The following ARSB variants were observed in gnomAD, a reference collection of about 807,000 sequenced individuals.
The protein encoded by ARSB is arylsulfatase B.
ARSB carries 41 observed loss-of-function variants against 50.9 expected under a neutral mutation model. That is an observed-to-expected ratio of 0.81 (90% CI 0.63 to 1.04). The LOEUF is 1.04. ARSB is among the 50% of genes least tolerant of loss of function. The probability of loss-of-function intolerance (pLI) is 0.00; values close to 1 mark genes in which losing one functional copy is unlikely to be tolerated. For missense variants in ARSB, 672 were observed against 693.3 expected (o/e 0.97, Z 0.35); for synonymous variants, 269 against 284.8 (o/e 0.94, Z 0.56).
rs1465461042 is a variant in ARSB at position 78,780,417 on chromosome 5, C to G, written c.1582G>C (p.Val528Leu). 6.2e-7 allele frequency: 1 copy of G among 1,614,122 alleles called. No homozygotes were observed. Among genetic ancestry groups the G allele is most frequent in the Admixed American group, 1.7e-5 (1 of 60,024 alleles). ...AAATCCTACATCCAAGGGCCCCACACCCCAGTGGCCTTGGGATCACAGCGG... is the reference window on the plus strand; with the variant it reads ...AAATCCTACATCCAAGGGCCCCACAGCCCAGTGGCCTTGGGATCACAGCGG... ...DPRCDPKATGVWGPWM is the reference protein window; with the variant it reads ...DPRCDPKATGLWGPWM The change falls in exon 8 of 8, where the codon GTG (valine) becomes CTG (leucine). Residue 528 changes from valine to leucine, a missense_variant. Transcript: ENST00000264914.
At chr5:78,852,400 C>T (rs1335292964) in intron 5 of ARSB, among the ~76,000 whole-genome samples, 3 of 152,192 alleles carry the variant, frequency 2.0e-5, no homozygotes, top group Admixed American at 6.5e-5. Context: ...TCTCCTCTGG[C>T]TTGTAGAGTT....
intron 6 of ARSB, among the ~76,000 whole-genome samples, chr5:78,795,671 G>A (rs941711678): frequency 1.3e-5 from 2 of 152,100 alleles, no homozygotes; most frequent in African/African-American, 4.8e-5. Flanking sequence ...AGGAGTGTTG[G>A]GAAAAATATG....
chr5:78,828,358 T>C (rs527844875), intron 6 of ARSB, among the ~76,000 whole-genome samples: 1 of 152,318 alleles, frequency 6.6e-6, no homozygotes, highest in African/African-American at 2.4e-5. Context: ...GTGTGACATA[T>C]TGTCCTTGTT....
At chr5:78,958,480 C>G (rs561984179) in intron 3 of ARSB, among the ~76,000 whole-genome samples, 9 of 152,266 alleles carry the variant, frequency 5.9e-5, no homozygotes, top group African/African-American at 1.9e-4. Flanking sequence ...TATAAATATT[C>G]AGTATAGAAA....
chr5:78,790,797 T>C (rs1445009297), intron 6 of ARSB, among the ~76,000 whole-genome samples: 1 of 152,158 alleles, frequency 6.6e-6, no homozygotes, highest in Admixed American at 6.5e-5. Context: ...CAAAAATCAC[T>C]ATTATATCAG....
rs1353120436 is a variant in ARSB at position 78,780,721 on chromosome 5, C to T, written c.1337-59G>A. 2.5e-6 allele frequency: 4 copies of T among 1,602,736 alleles called. No homozygotes were observed. In the Admixed American group the frequency reaches 6.8e-5, roughly 27 times the overall value. On this transcript the variant is annotated intron_variant, in intron 7 of 7. Coordinates refer to ENST00000264914, the MANE Select transcript of ARSB (RefSeq NM_000046.5). ...GAAGCACAGAGGCAGGTTCTAATTT[C>T]AGGGAAGGAGTCTGAGGCCAAGGCT...
intron 6 of ARSB, among the ~76,000 whole-genome samples, chr5:78,802,451 G>A (rs1344653203): frequency 6.6e-6 from 1 of 152,302 alleles, no homozygotes; most frequent in Admixed American, 6.5e-5. Context: ...CCGTGTGGGT[G>A]TTTGAGAAAT....
At position 78,985,209 on chromosome 5, in the gene ARSB, CG is replaced by C. The variant is rs1561198202; in HGVS notation, c.39del (p.Gly14AspfsTer42). 7.4e-7 allele frequency: 1 copy of C among 1,357,718 alleles called. No individual in the cohort carries two copies. The highest frequency in any genetic ancestry group is 1.8e-5 in the South Asian group (1 of 54,928). 84.1% of individuals were successfully genotyped at this position (1,357,718 alleles called of 1,614,324 possible). A position where few individuals can be genotyped will look rare whatever the true frequency, so the allele number is the denominator to read the frequency against. On this transcript the variant is annotated frameshift_variant, in exon 1 of 8. Transcript: ENST00000264914. LOFTEE classifies it high-confidence loss of function. ...ACGGGGAGGAGCAGCCGCCGAGGTC[CG>C]GGGCCTCGGGGCAAGCTCGCCGCGC... Reference protein sequence around the residue: ...PRGAASLPRGPGPRRLLLPVV... With the variant: ...PRGAASLPRGXGPRRLLLPVV...
chr5:78,873,688 G>T (rs1747345104), intron 5 of ARSB, among the ~76,000 whole-genome samples: 1 of 150,680 alleles, frequency 6.6e-6, no homozygotes, highest in Non-Finnish European at 1.5e-5. Context: ...GTAGAGACGG[G>T]GTTTCACCGT....
intron 6 of ARSB, among the ~76,000 whole-genome samples, chr5:78,805,287 T>C (rs1228969575): frequency 6.6e-6 from 1 of 152,186 alleles, no homozygotes; most frequent in Admixed American, 6.5e-5. Context: ...GAATCTGCCA[T>C]ATTAGGGACA....
rs142393044 is a variant in ARSB at position 78,840,141 on chromosome 5, C to A, written c.1143-715G>T. Among the ~76,000 whole-genome samples, 3 of 152,272 alleles carry A rather than the reference C, an allele frequency of 2.0e-5. No homozygotes were observed. The East Asian group carries it at 5.8e-4, about 29-fold the overall frequency. ...TAAGAAATTGGGAGCATAAACATCACCAGATGTATGTAGGGAGCACAATAG... is the reference window on the plus strand; with the variant it reads ...TAAGAAATTGGGAGCATAAACATCAACAGATGTATGTAGGGAGCACAATAG... On this transcript the variant is annotated intron_variant, in intron 5 of 7. Transcript: ENST00000264914.
chr5:78,810,965 T>C (rs1334046199), intron 6 of ARSB, among the ~76,000 whole-genome samples: 2 of 152,188 alleles, frequency 1.3e-5, no homozygotes, highest in East Asian at 3.8e-4. Context: ...TTAGGTAAAG[T>C]TTCTATAGAA....
intron 4 of ARSB, among the ~76,000 whole-genome samples, chr5:78,898,554 C>A (rs985850220): frequency 6.6e-6 from 1 of 152,116 alleles, no homozygotes; most frequent in African/African-American, 2.4e-5. Flanking sequence ...AAAAAACATA[C>A]ATTAGTTTTC....
chr5:78,874,431 T>C (rs1747391287), intron 5 of ARSB, among the ~76,000 whole-genome samples: 1 of 152,176 alleles, frequency 6.6e-6, no homozygotes, highest in South Asian at 2.1e-4. Context: ...GATTTCCTTA[T>C]GGGTAATAAG....
intron 6 of ARSB, among the ~76,000 whole-genome samples, chr5:78,785,637 G>A (rs1749055871): frequency 6.6e-6 from 1 of 152,194 alleles, no homozygotes; most frequent in Admixed American, 6.5e-5. Context: ...GTCAACATGT[G>A]TGAGACTCTT....
intron 4 of ARSB, among the ~76,000 whole-genome samples, chr5:78,914,837 TTC>T (rs372462965): frequency 6.0e-4 from 92 of 152,246 alleles, no homozygotes; most frequent in African/African-American, 2.0e-3. Context: ...CAGCTAATTT[TTC>T]TGTTTTCAGT....
At position 78,813,524 on chromosome 5, in the gene ARSB, G is replaced by A. The variant is rs1580994365; in HGVS notation, c.1213+25832C>T. On this transcript the variant is annotated intron_variant, in intron 6 of 7. Coordinates refer to ENST00000264914, the MANE Select transcript of ARSB (RefSeq NM_000046.5). Reference sequence around the variant, plus strand: ...TGTAATCCCAACACTTTGTGAGGCTGAGGTAGGAGGATTACTTGAGTCCAG... The same window carrying A: ...TGTAATCCCAACACTTTGTGAGGCTAAGGTAGGAGGATTACTTGAGTCCAG... Among the ~76,000 whole-genome samples, 2 of 152,294 alleles carry A rather than the reference G, an allele frequency of 1.3e-5. 1 individual carries two copies. The highest frequency in any genetic ancestry group is 3.9e-4 in the East Asian group (2 of 5,184).
chr5:78,937,362 G>T (rs1180426338), intron 4 of ARSB, among the ~76,000 whole-genome samples: 2 of 55,438 alleles, frequency 3.6e-5, no homozygotes, highest in African/African-American at 5.1e-5. Flanking sequence ...ATATATGTAA[G>T]ATATATATAT....
chr5:78,982,720 G>A (rs1312040424), intron 1 of ARSB, among the ~76,000 whole-genome samples: 2 of 152,204 alleles, frequency 1.3e-5, no homozygotes, highest in Non-Finnish European at 2.9e-5. Context: ...AGTATCTGAC[G>A]GAGACTCCTG....
Sources: allele counts gnomAD v4.1 joint callset (sites outside exome capture counted in the v4.1 genomes callset), GRCh38; gene constraint gnomAD v4.1.1; transcripts MANE v1.5; gene names NCBI Gene and HGNC (gene_info 2026-07-23, HGNC 2026-07-21).